PBRM1: variants seen among roughly 807,000 people sequenced by gnomAD.
PBRM1 encodes the protein protein polybromo-1.
A neutral mutation model predicts 194.5 loss-of-function variants in PBRM1; 27 were observed. That is an observed-to-expected ratio of 0.14 (90% CI 0.10 to 0.19). The LOEUF is 0.19. PBRM1 is among the 10% of genes least tolerant of loss of function. PBRM1 has a pLI of 1.00. For missense variants in PBRM1, 1,466 were observed against 2,077.2 expected (o/e 0.71, Z 5.72); for synonymous variants, 655 against 693.2 (o/e 0.94, Z 0.87).
chr3:52,597,017 G>A (rs1204666843), intron 17 of PBRM1, among the ~76,000 whole-genome samples: 1 of 152,098 alleles, frequency 6.6e-6, no homozygotes, highest in Non-Finnish European at 1.5e-5. Flanking sequence ...CAATTGTCCA[G>A]TCCACTGGGC....
intron 17 of PBRM1, among the ~76,000 whole-genome samples, chr3:52,597,296 G>A (rs2093641969): frequency 6.6e-6 from 1 of 152,206 alleles, no homozygotes; most frequent in Admixed American, 6.5e-5. Flanking sequence ...CACTTTCTGT[G>A]TGTAGATAGT....
At chr3:52,608,891 G>C (rs1373327520) in intron 16 of PBRM1, among the ~76,000 whole-genome samples, 1 of 151,508 alleles carries the variant, frequency 6.6e-6, no homozygotes, top group Non-Finnish European at 1.5e-5. Flanking sequence ...TTAAAATGGT[G>C]ATCAAATTTC....
intron 3 of PBRM1, among the ~76,000 whole-genome samples, chr3:52,665,990 T>A (rs191877221): frequency 6.6e-5 from 10 of 152,338 alleles, no homozygotes; most frequent in Admixed American, 6.5e-4. Flanking sequence ...ATATTAAAAC[T>A]TCTTAGATAA....
intron 5 of PBRM1, among the ~76,000 whole-genome samples, chr3:52,653,742 T>G (rs1008376888): frequency 1.3e-5 from 2 of 151,636 alleles, no homozygotes; most frequent in Non-Finnish European, 2.9e-5. Flanking sequence ...AAACCCCGTC[T>G]CTACTAAAAA....
intron 2 of PBRM1, among the ~76,000 whole-genome samples, chr3:52,673,831 A>G (rs186511801): frequency 2.6e-4 from 40 of 152,006 alleles, no homozygotes; most frequent in African/African-American, 9.4e-4. Flanking sequence ...TGGACAGATC[A>G]CTTGAGGTCA....
At chr3:52,651,752 T>C in exon 6 of PBRM1, 1 of 1,590,870 alleles carries the variant, frequency 6.3e-7, no homozygotes. Context: ...CTGTATCCTC[T>C]GGGCAATGGT....
chr3:52,672,625 G>A (rs1247218835), intron 2 of PBRM1, among the ~76,000 whole-genome samples: 1 of 151,278 alleles, frequency 6.6e-6, no homozygotes, highest in Admixed American at 6.6e-5. Context: ...CTCCCGAGTA[G>A]CTGAGATTAT....
intron 22 of PBRM1, among the ~76,000 whole-genome samples, chr3:52,567,762 G>C (rs2153566759): frequency 6.7e-6 from 1 of 149,720 alleles, no homozygotes; most frequent in African/African-American, 2.4e-5. Flanking sequence ...CTCCCGAGTA[G>C]CTGGGATTAC....
intron 22 of PBRM1, among the ~76,000 whole-genome samples, chr3:52,576,106 G>GGT (rs1327927436): frequency 6.6e-6 from 1 of 152,076 alleles, no homozygotes; most frequent in East Asian, 1.9e-4. Context: ...ACCATTAAAT[G>GGT]TACCAACGTT....
At chr3:52,598,054 T>A (rs1472560040) in intron 17 of PBRM1, among the ~76,000 whole-genome samples, 1 of 152,196 alleles carries the variant, frequency 6.6e-6, no homozygotes, top group African/African-American at 2.4e-5. Flanking sequence ...TCTGGGAGAC[T>A]TCTTCAACTT....
At chr3:52,573,231 G>A (rs1487244819) in intron 22 of PBRM1, among the ~76,000 whole-genome samples, 1 of 152,032 alleles carries the variant, frequency 6.6e-6, no homozygotes, top group African/African-American at 2.4e-5. Context: ...AAAATTAAAT[G>A]AGATCCTGGA....
chr3:52,600,939 T>C (rs934870802), intron 17 of PBRM1, among the ~76,000 whole-genome samples: 3 of 152,190 alleles, frequency 2.0e-5, no homozygotes, highest in Non-Finnish European at 4.4e-5. Flanking sequence ...GCCCAGCCGC[T>C]AAATTACTTA....
At chr3:52,670,371 A>C in intron 2 of PBRM1, among the ~76,000 whole-genome samples, 1 of 152,226 alleles carries the variant, frequency 6.6e-6, no homozygotes, top group East Asian at 1.9e-4. Flanking sequence ...AAAACCATCA[A>C]AAGTAAGAAT....
chr3:52,644,032 T>A (rs555173150), intron 8 of PBRM1, among the ~76,000 whole-genome samples: 1 of 151,950 alleles, frequency 6.6e-6, no homozygotes, highest in Non-Finnish European at 1.5e-5. Context: ...GATCTCCTGA[T>A]ACCTGCTAAA....
intron 2 of PBRM1, among the ~76,000 whole-genome samples, chr3:52,670,552 T>C (rs150006258): frequency 9.8e-5 from 15 of 152,378 alleles, no homozygotes; most frequent in African/African-American, 3.6e-4. Flanking sequence ...CAGTCTGGCA[T>C]ATGGCTGCAA....
At chr3:52,563,052 A>G (rs886496650) in intron 24 of PBRM1, among the ~76,000 whole-genome samples, 1 of 152,112 alleles carries the variant, frequency 6.6e-6, no homozygotes. Flanking sequence ...TAAAGATATT[A>G]ATTTTAAATT....
chr3:52,618,010 C>G (rs1266045402), intron 13 of PBRM1, among the ~76,000 whole-genome samples: 2 of 152,154 alleles, frequency 1.3e-5, no homozygotes, highest in Non-Finnish European at 2.9e-5. Context: ...GACAAGTACT[C>G]CTGAACACTT....
Position 52,587,346 on chromosome 3 carries a change from T to C in PBRM1, c.3123+7A>G, listed in dbSNP as rs1461304456. 1 of 1,595,624 alleles carries C rather than the reference T, an allele frequency of 6.3e-7. No individual in the cohort carries two copies. The highest frequency in any genetic ancestry group is 8.6e-7 in the Non-Finnish European group (1 of 1,165,706). On this transcript the variant is annotated splice_region_variant and intron_variant, in intron 19 of 29. Coordinates refer to ENST00000296302, the Ensembl canonical transcript of PBRM1. ...AGTGAGACTTTGGGATTTAATGAGTTTCTTACCTTGACAAACATGACCACA... is the reference window on the plus strand; with the variant it reads ...AGTGAGACTTTGGGATTTAATGAGTCTCTTACCTTGACAAACATGACCACA...
intron 19 of PBRM1, among the ~76,000 whole-genome samples, chr3:52,587,013 G>T (rs1576207467): frequency 6.6e-6 from 1 of 151,970 alleles, no homozygotes; most frequent in Non-Finnish European, 1.5e-5. Context: ...TTGTGTGTGT[G>T]TATCAGACAG....
Sources: allele counts gnomAD v4.1 joint callset (sites outside exome capture counted in the v4.1 genomes callset), GRCh38; gene constraint gnomAD v4.1.1; transcripts MANE v1.5; gene names NCBI Gene and HGNC (gene_info 2026-07-23, HGNC 2026-07-21).